Variants in CDC25C observed in about 807,000 individuals in gnomAD.
CDC25C encodes the protein M-phase inducer phosphatase 3.
In CDC25C, 48 loss-of-function variants were observed where a neutral mutation model predicts 52.5. That is an observed-to-expected ratio of 0.91 (90% CI 0.72 to 1.16). The LOEUF (loss-of-function observed/expected upper bound fraction) is 1.16. Ranked by LOEUF, CDC25C falls within the 50% of genes most tolerant of loss-of-function variation. CDC25C has a pLI of 0.00. For missense variants in CDC25C, 510 were observed against 566.1 expected, an observed-to-expected ratio of 0.90 and a Z score of 1.01; for synonymous variants, 187 against 206.5, an observed-to-expected ratio of 0.91 and a Z score of 0.81.
At chr5:138,315,157 C>T (rs1758782145) in intron 7 of CDC25C, among the ~76,000 whole-genome samples, 2 of 151,140 alleles carry the variant, frequency 1.3e-5, no homozygotes, top group Admixed American at 1.3e-4. Flanking sequence ...AGCTCTCAAA[C>T]TCCTGACCAC....
chr5:138,317,024 C>G (rs1469710603), intron 7 of CDC25C, among the ~76,000 whole-genome samples: 1 of 152,140 alleles, frequency 6.6e-6, no homozygotes, highest in Non-Finnish European at 1.5e-5. Context: ...GCAACAAAGG[C>G]AAGAGGATTG....
intron 7 of CDC25C, among the ~76,000 whole-genome samples, chr5:138,313,320 G>T (rs1301093809): frequency 6.8e-6 from 1 of 146,994 alleles, no homozygotes; most frequent in African/African-American, 2.5e-5. Context: ...TGGAGGTGCA[G>T]TGAGACAAAA....
chr5:138,286,110 T>C lies in CDC25C; in HGVS notation c.1184A>G (p.Asp395Gly), dbSNP rs1325406821. 3 of 1,613,880 alleles carry C rather than the reference T, an allele frequency of 1.9e-6. No homozygotes were observed. The South Asian group carries it at 3.3e-5, about 18-fold the overall frequency. Reference protein sequence around the residue: ...PRMCRCLREEDRSLNQYPALY... With the variant: ...PRMCRCLREEGRSLNQYPALY... ...TGCAGGATACTGGTTCAGAGACCTG[T>C]CCTCTTCACGCAGACAGCGGCACCT... is the stretch of plus-strand genomic sequence containing the variant. Residue 395 changes from aspartate (D) to glycine (G), a missense_variant, in exon 13 of 14, where the codon GAC becomes GGC. Transcript: ENST00000323760.
At position 138,331,754 on chromosome 5, in the gene CDC25C, T is replaced by C. The variant is rs1760403709; in HGVS notation, c.-198A>G. ...CCGACTGGGTAGGCCAACGTCGGAC[T>C]CAGAGTCTTCCCTGAGCAGAAGGCC... On this transcript the variant is annotated 5_prime_UTR_variant, in exon 1 of 14. Transcript: ENST00000323760. 1 of 979,108 alleles carries C rather than the reference T, an allele frequency of 1.0e-6. No individual in the cohort carries two copies. The highest frequency in any genetic ancestry group is 5.9e-5 in the Admixed American group (1 of 16,822). 60.7% of individuals were successfully genotyped at this position (979,108 alleles called of 1,614,324 possible). A position where few individuals can be genotyped will look rare whatever the true frequency, so the allele number is the denominator to read the frequency against.
chr5:138,313,233 G>C (rs1758586280), intron 7 of CDC25C, among the ~76,000 whole-genome samples: 2 of 152,006 alleles, frequency 1.3e-5, no homozygotes, highest in South Asian at 4.1e-4. Context: ...AAAAAAATTA[G>C]CCGGCCACGG....
chr5:138,315,009 C>A (rs1758772818), intron 7 of CDC25C, among the ~76,000 whole-genome samples: 1 of 150,218 alleles, frequency 6.7e-6, no homozygotes, highest in South Asian at 2.1e-4. Context: ...CTCACTGCAG[C>A]CTCTGCCACC....
chr5:138,303,521 C>A (rs1757784643), intron 7 of CDC25C, among the ~76,000 whole-genome samples: 1 of 152,176 alleles, frequency 6.6e-6, no homozygotes, highest in Non-Finnish European at 1.5e-5. Flanking sequence ...TTCTTGCTGT[C>A]CCATAAACAC....
At position 138,287,181 on chromosome 5, in the gene CDC25C, T is replaced by C; in HGVS notation, c.1014A>G (p.Gly338=). 1 of 1,612,356 alleles carries C rather than the reference T, an allele frequency of 6.2e-7. No individual in the cohort carries two copies. The highest frequency in any genetic ancestry group is 8.5e-7 in the Non-Finnish European group (1 of 1,178,456). ...AATGTCGTCTCACCTGGATGTGTCC[T>C]CCCAGATACTCATATGGATAGCGAC... is the stretch of plus-strand genomic sequence containing the variant. The part of the protein sequence containing the change: ...IDCRYPYEYL[G]GHIQGALNLY... The change falls in exon 11 of 14, where the codon GGA becomes GGG. Residue 338 remains glycine (G), a synonymous_variant. Transcript: ENST00000323760.
chr5:138,317,676 T>C (rs1309005940), intron 7 of CDC25C, among the ~76,000 whole-genome samples: 1 of 96,676 alleles, frequency 1.0e-5, no homozygotes, highest in East Asian at 3.4e-4. Context: ...AAAGACCCTG[T>C]CTATCTAAAA....
At chr5:138,308,731 A>C (rs1329316437) in intron 7 of CDC25C, among the ~76,000 whole-genome samples, 1 of 152,120 alleles carries the variant, frequency 6.6e-6, no homozygotes. Flanking sequence ...TGAAATTAAA[A>C]ATAAAATAGG....
At position 138,319,274 on chromosome 5, in the gene CDC25C, G is replaced by A. The variant is rs1474337465; in HGVS notation, c.560C>T (p.Ala187Val). 1.9e-6 allele frequency: 3 copies of A among 1,613,430 alleles called. No individual in the cohort carries two copies. The highest frequency in any genetic ancestry group is 2.5e-6 in the Non-Finnish European group (3 of 1,179,492). The change falls in exon 7 of 14, where the codon GCA (alanine) becomes GTA (valine). Residue 187 changes from alanine (A) to valine (V), a missense_variant. By Grantham distance (64) the Ala-to-Val change is moderately conservative. Transcript: ENST00000323760. ...DKNPNLGEDQ[A>V]EEISDELMEF... ...CATTAATTCATCTGAAATCTCTTCT[G>A]CCTGGTCTTCTCCTAGGTTTGGATT...
chr5:138,306,897 G>A (rs555056292), intron 7 of CDC25C, among the ~76,000 whole-genome samples: 26 of 151,472 alleles, frequency 1.7e-4, no homozygotes, highest in African/African-American at 5.6e-4. Context: ...ATGCTGGAGT[G>A]CAGCGGCACG....
chr5:138,303,427 C>T (rs939680113), intron 7 of CDC25C, among the ~76,000 whole-genome samples: 8 of 152,280 alleles, frequency 5.3e-5, no homozygotes, highest in African/African-American at 1.9e-4. Flanking sequence ...CAAGGCCCTA[C>T]ACGATCTGTC....
intron 7 of CDC25C, among the ~76,000 whole-genome samples, chr5:138,292,683 A>G (rs1337692300): frequency 6.6e-6 from 1 of 152,126 alleles, no homozygotes; most frequent in Non-Finnish European, 1.5e-5. Context: ...TATGAAACCC[A>G]TCAGGGAAAA....
intron 6 of CDC25C, among the ~76,000 whole-genome samples, chr5:138,322,466 ATTTTTTTTTTTTT>A (rs71585117): frequency 5.9e-5 from 4 of 67,942 alleles, no homozygotes; most frequent in South Asian, 9.3e-4. Flanking sequence ...CGCCCGGCTA[ATTTTTTTTTTTTT>A]TTTTTTTTTT....
chr5:138,302,854 G>A (rs1402794696), intron 7 of CDC25C, among the ~76,000 whole-genome samples: 3 of 151,666 alleles, frequency 2.0e-5, no homozygotes, highest in East Asian at 3.9e-4. Context: ...GAGCCCAGGA[G>A]TTCAAGACCA....
In CDC25C at chr5:138,287,249, C is replaced by G; in HGVS notation, c.946G>C (p.Gly316Arg). 6.2e-7 allele frequency: 1 copy of G among 1,613,918 alleles called. No homozygotes were observed. Reference sequence around the variant, plus strand: ...TTCTCAATCAGACCCTGGAACTTCCCCGACAGTAAGGCAGCCACCTGGACA... The same window carrying G: ...TTCTCAATCAGACCCTGGAACTTCCGCGACAGTAAGGCAGCCACCTGGACA... ...NPETVAALLS[G>R]KFQGLIEKFY... Residue 316 changes from glycine (G) to arginine (R), a missense_variant, in exon 11 of 14, where the codon GGG (glycine) becomes CGG (arginine). Physicochemically the swap from Gly to Arg is moderately radical, Grantham distance 125. Coordinates refer to ENST00000323760, the MANE Select transcript of CDC25C (RefSeq NM_001790.5).
rs998891891 is a variant in CDC25C, at chr5:138,326,007, G to A, written c.369+14C>T. 61 of 1,614,008 alleles carry A rather than the reference G, an allele frequency of 3.8e-5. No homozygotes were observed. Among genetic ancestry groups the A allele is most frequent in the Non-Finnish European group, 4.6e-5 (54 of 1,179,992 alleles). On this transcript the variant is annotated intron_variant, in intron 5 of 13. Coordinates refer to ENST00000323760, the MANE Select transcript of CDC25C (RefSeq NM_001790.5). Reference sequence around the variant, plus strand: ...AAAAGCAAAACAAAACCCAAAAAAAGAGAGGCTACTCACTGGGCTACATTT... The same window carrying A: ...AAAAGCAAAACAAAACCCAAAAAAAAAGAGGCTACTCACTGGGCTACATTT...
chr5:138,294,286 G>T (rs1320551704), intron 7 of CDC25C, among the ~76,000 whole-genome samples: 1 of 151,320 alleles, frequency 6.6e-6, no homozygotes, highest in Non-Finnish European at 1.5e-5. Flanking sequence ...CTACCTCCCA[G>T]GTTTCAGCAA....
Sources: gnomAD v4.1 joint callset for allele counts (sites outside exome capture counted in the v4.1 genomes callset) on GRCh38, gnomAD v4.1.1 for gene constraint, MANE v1.5 for transcripts, NCBI Gene and HGNC (gene_info 2026-07-23, HGNC 2026-07-21) for gene names.